The following ICE2 variants were observed in gnomAD, a reference collection of about 807,000 sequenced individuals.
ICE2 encodes the protein little elongation complex subunit 2.
Under a neutral mutation model 105.4 loss-of-function variants are expected in ICE2, and 87 were observed. The observed-to-expected ratio is 0.83, with a 90% CI of 0.69 to 0.99. The LOEUF is 0.99. ICE2 is among the 50% of genes least tolerant of loss of function. The probability of loss-of-function intolerance (pLI) is 0.00; values close to 1 mark genes in which losing one functional copy is unlikely to be tolerated. For missense variants in ICE2, 1,323 were observed against 1,146.7 expected (o/e 1.15, Z -2.22); for synonymous variants, 399 against 392.0 (o/e 1.02, Z -0.21).
At chr15:60,460,454 C>T (rs1383858482) in intron 5 of ICE2, among the ~76,000 whole-genome samples, 2 of 152,168 alleles carry the variant, frequency 1.3e-5, no homozygotes, top group Non-Finnish European at 2.9e-5. Context: ...GCAGAGATCA[C>T]GCCACTGTAC....
intron 5 of ICE2, among the ~76,000 whole-genome samples, chr15:60,464,363 G>C (rs2064363239): frequency 6.6e-6 from 1 of 152,016 alleles, no homozygotes; most frequent in Non-Finnish European, 1.5e-5. Context: ...CTTACAAAAA[G>C]GCACTGTTTT....
In ICE2 at chr15:60,421,976, G is replaced by A. The variant is rs940714321; in HGVS notation, c.*1658C>T. ...GGAGATTTTTCGGTCTAATTTCTCA[G>A]AAATTAGGCCAAAAGAATAGCTATT... On this transcript the variant is annotated 3_prime_UTR_variant, in exon 16 of 16. Transcript: ENST00000261520. 4.2e-5 allele frequency: 6 copies of A among 143,664 alleles called. No individual in the cohort carries two copies. The highest frequency in any genetic ancestry group is 1.5e-4 in the African/African-American group (6 of 40,028). The allele number at this position is 143,664 out of a possible 1,614,324, so 8.9% of individuals were successfully genotyped here.
chr15:60,462,143 GA>G (rs2141119749), intron 5 of ICE2, among the ~76,000 whole-genome samples: 1 of 152,214 alleles, frequency 6.6e-6, no homozygotes, highest in African/African-American at 2.4e-5. Flanking sequence ...CATGAACTGG[GA>G]AACCAAATAG....
rs559617783 is a variant in ICE2 at position 60,428,405 on chromosome 15, C to G, written c.2820+24G>C. The G allele has an allele frequency of 4.6e-4, 745 of 1,603,776 alleles. 8 individuals carry two copies. The South Asian group carries it at 7.9e-3, about 17-fold the overall frequency. ...ACGAATAATAAACAACCTAATGAAC[C>G]TTTAATTTCAAAAAAGATCTTACCT... On this transcript the variant is annotated intron_variant, in intron 15 of 15. Coordinates refer to ENST00000261520, the MANE Select transcript of ICE2 (RefSeq NM_024611.6).
intron 3 of ICE2, among the ~76,000 whole-genome samples, chr15:60,472,287 AT>A (rs1350389080): frequency 6.6e-6 from 1 of 151,966 alleles, no homozygotes; most frequent in African/African-American, 2.4e-5. Flanking sequence ...TAAAAGGAAA[AT>A]TTTTTTTATC....
chr15:60,470,047 A>G (rs907723683), intron 3 of ICE2, among the ~76,000 whole-genome samples: 1 of 152,216 alleles, frequency 6.6e-6, no homozygotes, highest in African/African-American at 2.4e-5. Context: ...AGAGGAAGGG[A>G]AACTAAAGAG....
intron 5 of ICE2, among the ~76,000 whole-genome samples, chr15:60,463,765 C>T (rs1177512789): frequency 2.6e-5 from 4 of 151,842 alleles, no homozygotes; most frequent in Non-Finnish European, 5.9e-5. Flanking sequence ...AGCGAAGCTC[C>T]GTCTCTTAAA....
At chr15:60,478,346 C>G (rs1288778975) in intron 1 of ICE2, among the ~76,000 whole-genome samples, 1 of 152,162 alleles carries the variant, frequency 6.6e-6, no homozygotes, top group Non-Finnish European at 1.5e-5. Context: ...ACATACTAGG[C>G]CACTTGATGG....
At chr15:60,463,835 T>C (rs558171276) in intron 5 of ICE2, among the ~76,000 whole-genome samples, 1 of 152,176 alleles carries the variant, frequency 6.6e-6, no homozygotes, top group Non-Finnish European at 1.5e-5. Flanking sequence ...CCACCCTCCA[T>C]ACACACACAA....
intron 9 of ICE2, chr15:60,452,113 A>T (rs79935789): frequency 0.017 from 16,557 of 985,012 alleles, 163 homozygotes; most frequent in South Asian, 0.03. Context: ...TTACTGCCTG[A>T]CATTCACCTC....
Position 60,479,114 on chromosome 15 carries a change from G to T in ICE2, c.-204C>A, listed in dbSNP as rs1303056916. Reference sequence around the variant, plus strand: ...AAAAAGACCATATTTAAAGGATGTGGCCGCGCCGACTCGGCCCTGCGTGAT... The same window carrying T: ...AAAAAGACCATATTTAAAGGATGTGTCCGCGCCGACTCGGCCCTGCGTGAT... On this transcript the variant is annotated 5_prime_UTR_variant, in exon 1 of 16. Transcript: ENST00000261520. 6 of 427,212 alleles carry T rather than the reference G, an allele frequency of 1.4e-5. No homozygotes were observed. The East Asian group carries it at 2.3e-4, about 16-fold the overall frequency. 26.5% of individuals were successfully genotyped at this position (427,212 alleles called of 1,614,324 possible). A position where few individuals can be genotyped will look rare whatever the true frequency, so the allele number is the denominator to read the frequency against.
intron 9 of ICE2, among the ~76,000 whole-genome samples, chr15:60,450,427 A>G (rs2063938295): frequency 6.6e-6 from 1 of 152,238 alleles, no homozygotes; most frequent in Non-Finnish European, 1.5e-5. Flanking sequence ...ATTCTGAGAC[A>G]TGAAGTCATA....
In ICE2 at chr15:60,449,607, T is replaced by C. The variant is rs1313846346; in HGVS notation, c.1360A>G (p.Arg454Gly). ...PSAPDISANSRSLSQILMEQL... is the reference protein window; with the variant it reads ...PSAPDISANSGSLSQILMEQL... Reference sequence around the variant, plus strand: ...TCCATCAGAATCTGAGATAAACTTCTAGAATTAGCAGAAATGTCTGGTGCA... The same window carrying C: ...TCCATCAGAATCTGAGATAAACTTCCAGAATTAGCAGAAATGTCTGGTGCA... The change falls in exon 10 of 16, where the codon AGA (arginine) becomes GGA (glycine). Residue 454 changes from arginine (R) to glycine (G), a missense_variant. By Grantham distance (125) the Arg-to-Gly change is moderately radical. Transcript: ENST00000261520. The C allele has an allele frequency of 4.3e-6, 7 of 1,614,084 alleles. No individual in the cohort carries two copies. Among genetic ancestry groups the C allele is most frequent in the Non-Finnish European group, 5.9e-6 (7 of 1,180,050 alleles).
chr15:60,428,789 A>T (rs1566967750), intron 14 of ICE2, 102 bp from the exon 15 acceptor site: 1 of 1,136,352 alleles, frequency 8.8e-7, no homozygotes, highest in Non-Finnish European at 1.2e-6. Context: ...TTATGAGAAG[A>T]TCACACCACC....
At position 60,455,397 on chromosome 15, in the gene ICE2, T is replaced by G; in HGVS notation, c.712A>C (p.Lys238Gln). 6.2e-7 allele frequency: 1 copy of G among 1,613,984 alleles called. No homozygotes were observed. The highest frequency in any genetic ancestry group is 1.1e-5 in the South Asian group (1 of 91,072). The stretch of plus-strand genomic sequence containing the variant: ...ATATCGTCCTTTGACAGCTGCAACT[T>G]TATAGGCATTGAGGGAAATACTGTT... ...VKTVFPSMPIKLQLSKDDIAT... is the reference protein window; with the variant it reads ...VKTVFPSMPIQLQLSKDDIAT... Residue 238 changes from lysine to glutamine, a missense_variant, in exon 7 of 16, where the codon AAG becomes CAG. By Grantham distance (53) the Lys-to-Gln change is moderately conservative. Coordinates refer to ENST00000261520, the MANE Select transcript of ICE2 (RefSeq NM_024611.6).
chr15:60,459,422 T>C (rs1262775239), intron 5 of ICE2, among the ~76,000 whole-genome samples: 1 of 152,142 alleles, frequency 6.6e-6, no homozygotes, highest in Non-Finnish European at 1.5e-5. Context: ...AATACAATGA[T>C]CTTACTAAAA....
intron 9 of ICE2, chr15:60,452,223 C>A: frequency 1.1e-6 from 1 of 936,712 alleles, no homozygotes; most frequent in Non-Finnish European, 1.3e-6. Flanking sequence ...TATTAAAAGG[C>A]AAATGGCAAA....
At chr15:60,446,806 A>T (rs1335334262) in intron 11 of ICE2, among the ~76,000 whole-genome samples, 1 of 152,190 alleles carries the variant, frequency 6.6e-6, no homozygotes. Context: ...AGACATTCAA[A>T]GTGGTCAGTG....
In ICE2 at chr15:60,425,644, TC is replaced by T. The variant is rs577079371; in HGVS notation, c.2821-1883del. On this transcript the variant is annotated intron_variant, in intron 15 of 15. Transcript: ENST00000261520. Reference sequence around the variant, plus strand: ...CCAAAGGCACTATACAAGGATGAGATCAGAGTTCAAGTGGACTCGTGACTAT... The same window carrying T: ...CCAAAGGCACTATACAAGGATGAGATAGAGTTCAAGTGGACTCGTGACTAT... 2.2e-3 allele frequency among the ~76,000 whole-genome samples: 341 copies of T among 152,286 alleles called. 2 individuals are homozygous for T. Among genetic ancestry groups the T allele is most frequent in the Middle Eastern group, 3.4e-3 (1 of 294 alleles).
Sources: allele counts gnomAD v4.1 joint callset (sites outside exome capture counted in the v4.1 genomes callset), GRCh38; gene constraint gnomAD v4.1.1; transcripts MANE v1.5; gene names NCBI Gene and HGNC (gene_info 2026-07-23, HGNC 2026-07-21).